DNAH3: variants seen among roughly 807,000 people sequenced by gnomAD.
The protein encoded by DNAH3 is axonemal beta dynein heavy chain 3.
Under a neutral mutation model 432.5 loss-of-function variants are expected in DNAH3, and 332 were observed. The observed-to-expected ratio is 0.77, with a 90% confidence interval of 0.70 to 0.84. The LOEUF (loss-of-function observed/expected upper bound fraction) is 0.84, where lower values mean the gene tolerates loss of function less well. DNAH3 is among the 40% of genes least tolerant of loss of function. The probability of loss-of-function intolerance (pLI) is 0.00; values close to 1 mark genes in which losing one functional copy is unlikely to be tolerated. For missense variants in DNAH3, 4,861 were observed against 5,114.0 expected (o/e 0.95, Z 1.51); for synonymous variants, 1,956 against 1,900.2 (o/e 1.03, Z -0.76).
intron 59 of DNAH3, among the ~76,000 whole-genome samples, chr16:20,940,583 ATGCC>A (rs1268911431): frequency 7.3e-6 from 1 of 137,404 alleles, no homozygotes; most frequent in Non-Finnish European, 1.6e-5. Context: ...GTGCACCACC[ATGCC>A]TGCCTTTTTT....
intron 3 of DNAH3, 62 bp downstream of exon 4, chr16:21,145,111 AAAATAAAT>A (rs1299706042): frequency 7.5e-7 from 1 of 1,340,782 alleles, no homozygotes; most frequent in African/African-American, 1.5e-5. Context: ...GACTCCATCT[AAAATAAAT>A]AAATAAATAA....
At chr16:21,062,199 G>T (rs144154339) in intron 25 of DNAH3, among the ~76,000 whole-genome samples, 1 of 152,158 alleles carries the variant, frequency 6.6e-6, no homozygotes, top group East Asian at 1.9e-4. Context: ...AAACAGCATC[G>T]GCTGTTTGGA....
At chr16:20,947,128 T>C (rs1352192815) in intron 57 of DNAH3, among the ~76,000 whole-genome samples, 3 of 152,008 alleles carry the variant, frequency 2.0e-5, no homozygotes, top group Non-Finnish European at 4.4e-5. Context: ...CCTGACCTGA[T>C]TGTGAGTCTT....
chr16:21,059,027 A>T (rs906398668), intron 26 of DNAH3, among the ~76,000 whole-genome samples: 6 of 152,096 alleles, frequency 3.9e-5, no homozygotes, highest in East Asian at 1.9e-4. Context: ...AAAAAAATTT[A>T]AAAAAAAGAA....
At chr16:21,067,078 T>TTGAC (rs1385923475) in intron 24 of DNAH3, among the ~76,000 whole-genome samples, 3 of 152,322 alleles carry the variant, frequency 2.0e-5, no homozygotes, top group African/African-American at 7.2e-5. Context: ...ACGTGTGCAT[T>TTGAC]TGACACCCAT....
At chr16:20,937,529 C>CTTTT (rs71377696) in intron 59 of DNAH3, among the ~76,000 whole-genome samples, 22 of 121,296 alleles carry the variant, frequency 1.8e-4, no homozygotes, top group Non-Finnish European at 2.9e-4. Context: ...CAAAGTTGTT[C>CTTTT]TTTTTTTTTT....
intron 18 of DNAH3, among the ~76,000 whole-genome samples, chr16:21,089,703 A>T (rs933947704): frequency 6.6e-6 from 1 of 152,124 alleles, no homozygotes; most frequent in Non-Finnish European, 1.5e-5. Flanking sequence ...ATAAATTTGT[A>T]GCATTAAAAA....
intron 1 of DNAH3, among the ~76,000 whole-genome samples, chr16:21,157,003 A>ACACACACC (rs1315623857): frequency 1.3e-5 from 2 of 151,642 alleles, no homozygotes; most frequent in Admixed American, 6.6e-5. Flanking sequence ...GGAAACACAC[A>ACACACACC]CACACACACA....
chr16:21,134,546 C>T (rs973494457), intron 6 of DNAH3, 92 bp from the exon 8 acceptor site: 19 of 1,217,942 alleles, frequency 1.6e-5, no homozygotes, highest in Admixed American at 5.0e-5. Context: ...AATATAGAGA[C>T]GGGGTCTCAC....
chr16:21,006,620 C>A (rs2087315574), intron 41 of DNAH3, among the ~76,000 whole-genome samples: 1 of 152,144 alleles, frequency 6.6e-6, no homozygotes, highest in African/African-American at 2.4e-5. Context: ...GCCTATTCTG[C>A]CTATATAAAG....
chr16:20,963,824 T>C (rs1400664348), exon 53 of DNAH3: 1 of 1,613,712 alleles, frequency 6.2e-7, no homozygotes. Context: ...ATGCTCAGGG[T>C]GAAATGGTCA....
chr16:21,098,502 T>G, intron 17 of DNAH3, 114 bp downstream of exon 17: 1 of 1,034,022 alleles, frequency 9.7e-7, no homozygotes, highest in South Asian at 2.6e-5. Context: ...GGCCAATGAG[T>G]TAACCAATAC....
At chr16:20,992,752 T>C (rs1009674665) in intron 44 of DNAH3, among the ~76,000 whole-genome samples, 1 of 152,250 alleles carries the variant, frequency 6.6e-6, no homozygotes, top group Admixed American at 6.5e-5. Context: ...GTAGTAGACA[T>C]GTTCATTGTT....
At chr16:20,987,612 A>AGCTATTACT in intron 46 of DNAH3, 81 bp downstream of exon 46, 1 of 1,566,464 alleles carries the variant, frequency 6.4e-7, no homozygotes, top group Non-Finnish European at 8.7e-7. Context: ...AATAAAAGTT[A>AGCTATTACT]GCTATTACTG....
At position 21,122,144 on chromosome 16, in the gene DNAH3, G is replaced by C; in HGVS notation, c.1405-20C>G. On this transcript the variant is annotated intron_variant, in intron 9 of 61. Transcript: ENST00000261383. ...CCCATCCTTCAGGAGACATAAGGTA[G>C]GGCAAGCGTTACAAAATTGGGCCTT... The C allele has an allele frequency of 6.3e-7, 1 of 1,579,640 alleles. No individual in the cohort carries two copies. The highest frequency in any genetic ancestry group is 8.6e-7 in the Non-Finnish European group (1 of 1,165,480).
chr16:21,055,859 C>T lies in DNAH3; in HGVS notation c.3925-1325G>A, dbSNP rs2090114210. On this transcript the variant is annotated intron_variant, in intron 27 of 61. Coordinates refer to ENST00000261383, the Ensembl canonical transcript of DNAH3. ...CTCCTGAGCTCAAGCAATCCTCCCA[C>T]CTCAGCCGCCTGAGTAGCTGGGACC... Among the ~76,000 whole-genome samples, 2 of 151,920 alleles carry T rather than the reference C, an allele frequency of 1.3e-5. 1 individual carries two copies. The highest frequency in any genetic ancestry group is 1.3e-4 in the Admixed American group (2 of 15,224).
At chr16:21,146,974 G>T (rs2092792620) in intron 1 of DNAH3, among the ~76,000 whole-genome samples, 1 of 151,874 alleles carries the variant, frequency 6.6e-6, no homozygotes, top group African/African-American at 2.4e-5. Flanking sequence ...TGGCCAGGCT[G>T]GTCTTGAACT....
In DNAH3 at chr16:20,974,237, G is replaced by T. The variant is rs543249712; in HGVS notation, c.8259+996C>A. On this transcript the variant is annotated intron_variant, in intron 51 of 61. Transcript: ENST00000261383. Reference sequence around the variant, plus strand: ...TGGGGTTTGCCATGTTGCCCAGGCTGGTCTTGAACTTGGCTGGTCTTGAAC... The same window carrying T: ...TGGGGTTTGCCATGTTGCCCAGGCTTGTCTTGAACTTGGCTGGTCTTGAAC... Among the ~76,000 whole-genome samples, 4 of 152,004 alleles carry T rather than the reference G, an allele frequency of 2.6e-5. No individual in the cohort carries two copies. The East Asian group carries it at 7.8e-4, about 30-fold the overall frequency.
chr16:21,110,166 C>G (rs1159584080), intron 14 of DNAH3, among the ~76,000 whole-genome samples: 3 of 152,182 alleles, frequency 2.0e-5, no homozygotes, highest in Non-Finnish European at 4.4e-5. Flanking sequence ...AAGGCAGTTG[C>G]CATCTCAGCC....
Sources: allele counts gnomAD v4.1 joint callset (sites outside exome capture counted in the v4.1 genomes callset), GRCh38; gene constraint gnomAD v4.1.1; transcripts MANE v1.5; gene names NCBI Gene and HGNC (gene_info 2026-07-23, HGNC 2026-07-21).